KCNK12: variants seen among roughly 807,000 people sequenced by gnomAD.
KCNK12 encodes potassium two pore domain channel subfamily K member 12.
Under a neutral mutation model 25.3 loss-of-function variants are expected in KCNK12, and 6 were observed. That is an observed-to-expected ratio of 0.24 (90% CI 0.13 to 0.47). The LOEUF is 0.47. Ranked by LOEUF, KCNK12 falls within the 20% of genes least tolerant of loss-of-function variation. The pLI, the probability that KCNK12 is intolerant of heterozygous loss-of-function variation, is 0.99. For missense variants in KCNK12, 444 were observed against 661.7 expected (o/e 0.67, Z 3.61); for synonymous variants, 331 against 311.1 (o/e 1.06, Z -0.67).
chr2:47,549,795 G>A (rs1296600795), intron 1 of KCNK12, among the ~76,000 whole-genome samples: 2 of 151,996 alleles, frequency 1.3e-5, no homozygotes, highest in Non-Finnish European at 2.9e-5. Context: ...TTAGCCAGGC[G>A]CAGTGGCGGG....
In KCNK12 at chr2:47,517,355, C is replaced by G. The variant is rs1186188200; in HGVS notation, c.*3552G>C. 1.3e-5 allele frequency: 2 copies of G among 152,112 alleles called. No homozygotes were observed. Among genetic ancestry groups the G allele is most frequent in the Admixed American group, 1.3e-4 (2 of 15,272 alleles). The allele number at this position is 152,112 out of a possible 1,614,324, so 9.4% of individuals were successfully genotyped here. A position where few individuals can be genotyped will look rare whatever the true frequency, so the allele number is the denominator to read the frequency against. On this transcript the variant is annotated 3_prime_UTR_variant, in exon 2 of 2. Transcript: ENST00000327876. This position sits in a 1 kb window ranked among gnomAD's most constrained non-coding sequence, Gnocchi z 4.1. The stretch of plus-strand genomic sequence containing the variant: ...GACGGAGGATCCTGGGTCAATTTAG[C>G]AGCTATTTTCCAGGGTTTGGCTTGG...
chr2:47,521,755 A>G lies in KCNK12; in HGVS notation c.445T>C (p.Tyr149His), dbSNP rs1668660134. 6.5e-7 allele frequency: 1 copy of G among 1,549,674 alleles called. No individual in the cohort carries two copies. Among genetic ancestry groups the G allele is most frequent in the Non-Finnish European group, 8.7e-7 (1 of 1,155,410 alleles). ...TVGGKAFLIAYGLFGCAGTIL... is the reference protein window; with the variant it reads ...TVGGKAFLIAHGLFGCAGTIL... Reference sequence around the variant, plus strand: ...GTCCCAGCGCAGCCGAACAGCCCGTAGGCGATGAGGAAGGCCTTCCCGCCC... The same window carrying G: ...GTCCCAGCGCAGCCGAACAGCCCGTGGGCGATGAGGAAGGCCTTCCCGCCC... Residue 149 changes from tyrosine to histidine, a missense_variant, in exon 2 of 2, where the codon TAC becomes CAC. By Grantham distance (83) the Tyr-to-His change is moderately conservative. This residue lies in a region of KCNK12 where 44 missense variants were observed against 100.7 expected (regional missense o/e 0.44). Coordinates refer to ENST00000327876, the MANE Select transcript of KCNK12 (RefSeq NM_022055.2).
At chr2:47,539,419 T>A (rs1558555759) in intron 1 of KCNK12, among the ~76,000 whole-genome samples, 1 of 152,156 alleles carries the variant, frequency 6.6e-6, no homozygotes, top group Non-Finnish European at 1.5e-5. Flanking sequence ...GGGGACAGAC[T>A]GCAGGGGTGA....
rs763595352 is a variant in KCNK12, at chr2:47,521,635, G to T, written c.565C>A (p.Leu189Met). ...CRERQLRRSG[L>M]LPATFRRGSA... The stretch of plus-strand genomic sequence containing the variant: ...CCGCGGCGGAAGGTGGCGGGCAGCA[G>T]GCCGCTGCGGCGCAGCTGGCGCTCC... Residue 189 changes from leucine (L) to methionine (M), a missense_variant, in exon 2 of 2, where the codon CTG becomes ATG. Around this residue, in one of 8 missense-constraint regions of KCNK12, gnomAD observed 36 missense variants for 36.4 expected, o/e 0.99. Transcript: ENST00000327876. The T allele has an allele frequency of 2.5e-6, 4 of 1,584,648 alleles. No homozygotes were observed. In the African/African-American group the frequency reaches 4.0e-5, roughly 16 times the overall value.
Position 47,553,834 on chromosome 2 carries a change from C to G in KCNK12, c.391+16107G>C, listed in dbSNP as rs144165748. On this transcript the variant is annotated intron_variant, in intron 1 of 1. Coordinates refer to ENST00000327876, the MANE Select transcript of KCNK12 (RefSeq NM_022055.2). ...TTGCTTAAGGCAGGCTGGTCCTGAC[C>G]TCACTCACACTGTTCTTTCAAACCT... Among the ~76,000 whole-genome samples, 953 of 152,270 alleles carry G rather than the reference C, an allele frequency of 6.3e-3. 10 individuals are homozygous for G. The highest frequency in any genetic ancestry group is 0.022 in the African/African-American group (902 of 41,550).
Position 47,512,438 on chromosome 2 carries a change from G to T in KCNK12, c.*8469C>A. Reference sequence around the variant, plus strand: ...GGGCAGTGGTGAGCTCTCATGACCTGGTGTCTGTTGCCTTCTGGTTAAGTT... The same window carrying T: ...GGGCAGTGGTGAGCTCTCATGACCTTGTGTCTGTTGCCTTCTGGTTAAGTT... On this transcript the variant is annotated 3_prime_UTR_variant, in exon 2 of 2. Coordinates refer to ENST00000327876, the MANE Select transcript of KCNK12 (RefSeq NM_022055.2). 1 of 1,595,160 alleles carries T rather than the reference G, an allele frequency of 6.3e-7. No individual in the cohort carries two copies. Among genetic ancestry groups the T allele is most frequent in the Non-Finnish European group, 8.5e-7 (1 of 1,171,908 alleles).
Position 47,560,190 on chromosome 2 carries a change from T to C in KCNK12, c.391+9751A>G, listed in dbSNP as rs550690744. Reference sequence around the variant, plus strand: ...CCTGTCCATGCCCACTGCAGCTGTTTCCAGTGCAAGGCTGAGGGTTCTCAG... The same window carrying C: ...CCTGTCCATGCCCACTGCAGCTGTTCCCAGTGCAAGGCTGAGGGTTCTCAG... On this transcript the variant is annotated intron_variant, in intron 1 of 1. Transcript: ENST00000327876. The surrounding 1 kb of genome is among the most constrained non-coding windows in gnomAD (Gnocchi z 4.7). Among the ~76,000 whole-genome samples, 1 of 152,198 alleles carries C rather than the reference T, an allele frequency of 6.6e-6. No individual in the cohort carries two copies. Among genetic ancestry groups the C allele is most frequent in the Non-Finnish European group, 1.5e-5 (1 of 68,028 alleles).
intron 1 of KCNK12, chr2:47,563,885 A>G (rs72812346): frequency 0.014 from 3,154 of 232,482 alleles, 32 homozygotes; most frequent in Non-Finnish European, 0.019. Context: ...GACTGAGTGG[A>G]AATATGTTCT....
In KCNK12 at chr2:47,550,648, G is replaced by T. The variant is rs57709074; in HGVS notation, c.391+19293C>A. On this transcript the variant is annotated intron_variant, in intron 1 of 1. Coordinates refer to ENST00000327876, the MANE Select transcript of KCNK12 (RefSeq NM_022055.2). ...CCCACCCGCCTCGGCCTCCCAAAGT[G>T]TTGGGATTACAGGTGTGAGCCACCA... Among the ~76,000 whole-genome samples the T allele has an allele frequency of 4.3e-3, 651 of 152,106 alleles. 5 individuals carry two copies. The highest frequency in any genetic ancestry group is 0.015 in the African/African-American group (623 of 41,500).
intron 1 of KCNK12, among the ~76,000 whole-genome samples, chr2:47,536,604 GGAACACA>G (rs1160632837): frequency 6.6e-6 from 1 of 152,212 alleles, no homozygotes; most frequent in East Asian, 1.9e-4. Flanking sequence ...CAGACCTCCA[GGAACACA>G]CCTGTAGTCA....
intron 1 of KCNK12, among the ~76,000 whole-genome samples, chr2:47,530,190 T>G (rs1434825890): frequency 2.0e-5 from 3 of 150,560 alleles, no homozygotes; most frequent in East Asian, 3.9e-4. Flanking sequence ...CAGGGAGGAG[T>G]GGGAGATGGG....
intron 1 of KCNK12, among the ~76,000 whole-genome samples, chr2:47,554,340 G>T (rs1189462795): frequency 6.6e-6 from 1 of 152,228 alleles, no homozygotes; most frequent in African/African-American, 2.4e-5. Context: ...GCAGAATAGT[G>T]TGAGGGACAG....
At chr2:47,541,622 T>C (rs1396748517) in intron 1 of KCNK12, among the ~76,000 whole-genome samples, 1 of 152,102 alleles carries the variant, frequency 6.6e-6, no homozygotes, top group East Asian at 1.9e-4. Flanking sequence ...AGAAAGGCTT[T>C]TTAAAAAAGG....
At chr2:47,549,820 G>C (rs1389712714) in intron 1 of KCNK12, among the ~76,000 whole-genome samples, 1 of 151,992 alleles carries the variant, frequency 6.6e-6, no homozygotes, top group Non-Finnish European at 1.5e-5. Context: ...TGTAATTCTA[G>C]CTACTCAGGA....
intron 1 of KCNK12, among the ~76,000 whole-genome samples, chr2:47,537,609 G>A (rs527550315): frequency 6.6e-6 from 1 of 152,308 alleles, no homozygotes; most frequent in Non-Finnish European, 1.5e-5. Context: ...GATTACAGGC[G>A]TGAGCCACCG....
At chr2:47,541,449 C>T (rs1459042409) in intron 1 of KCNK12, among the ~76,000 whole-genome samples, 1 of 152,070 alleles carries the variant, frequency 6.6e-6, no homozygotes, top group Non-Finnish European at 1.5e-5. Flanking sequence ...AAAATTTGGG[C>T]TGACTCTCCT....
At chr2:47,558,851 T>G (rs1356117641) in intron 1 of KCNK12, among the ~76,000 whole-genome samples, 1 of 152,214 alleles carries the variant, frequency 6.6e-6, no homozygotes, top group East Asian at 1.9e-4. Context: ...CTTTTCCTGG[T>G]TTGTGGAATT....
At chr2:47,523,349 C>A (rs764768371) in intron 1 of KCNK12, among the ~76,000 whole-genome samples, 10 of 152,196 alleles carry the variant, frequency 6.6e-5, no homozygotes, top group Non-Finnish European at 1.3e-4. Context: ...GGCTCCTTCT[C>A]AACCAAGGAT....
rs1669183761 is a variant in KCNK12 at position 47,540,899 on chromosome 2, G to T, written c.392-19091C>A. ...GGAGGTCAAGGCTGGAGTGAGCTGT[G>T]ATTCTACCACTGCACTCCAGCCTGG... On this transcript the variant is annotated intron_variant, in intron 1 of 1. Coordinates refer to ENST00000327876, the MANE Select transcript of KCNK12 (RefSeq NM_022055.2). The surrounding 1 kb of genome is among the most constrained non-coding windows in gnomAD (Gnocchi z 5.4). Among the ~76,000 whole-genome samples, 1 of 152,144 alleles carries T rather than the reference G, an allele frequency of 6.6e-6. No homozygotes were observed. Among genetic ancestry groups the T allele is most frequent in the Non-Finnish European group, 1.5e-5 (1 of 68,014 alleles).
Sources: allele counts gnomAD v4.1 joint callset (sites outside exome capture counted in the v4.1 genomes callset), GRCh38; gene constraint gnomAD v4.1.1; regional missense constraint gnomAD v4.1.1; non-coding constraint Gnocchi (gnomAD v3.1); transcripts MANE v1.5; gene names NCBI Gene and HGNC (gene_info 2026-07-23, HGNC 2026-07-21).